Variants in DYNC1LI2 observed in about 807,000 individuals in gnomAD.
DYNC1LI2 encodes cytoplasmic dynein 1 light intermediate chain 2.
DYNC1LI2 carries 19 observed loss-of-function variants against 57.8 expected under a neutral mutation model. The ratio of observed to expected loss-of-function variants is 0.33; its 90% CI spans 0.23 to 0.48. DYNC1LI2 has a LOEUF of 0.48. Among genes scored for constraint, DYNC1LI2 ranks in the 20% least tolerant of loss-of-function variants. The pLI is 0.99. For synonymous variants in DYNC1LI2, 256 were observed against 233.4 expected (o/e 1.10, Z -0.88); for missense variants, 470 against 604.2 (o/e 0.78, Z 2.33).
Position 66,751,163 on chromosome 16 carries a change from C to T in DYNC1LI2, c.181+110G>A, listed in dbSNP as rs2018041480. On this transcript the variant is annotated intron_variant, in intron 2 of 12. Transcript: ENST00000258198. This position sits in a 1 kb window ranked among gnomAD's most constrained non-coding sequence, Gnocchi z 5.2. ...CGGCCAGGGCCGACGGTCCCTTTCC[C>T]GCCAGGCTGCGGGCAGGCGGCTGGA... The T allele has an allele frequency of 1.5e-6, 2 of 1,301,140 alleles. No homozygotes were observed. Among genetic ancestry groups the T allele is most frequent in the Non-Finnish European group, 2.1e-6 (2 of 957,856 alleles). The allele number at this position is 1,301,140 out of a possible 1,614,324, so 80.6% of individuals were successfully genotyped here.
At chr16:66,735,634 G>C (rs999223729) in intron 5 of DYNC1LI2, among the ~76,000 whole-genome samples, 7 of 152,004 alleles carry the variant, frequency 4.6e-5, no homozygotes, top group Non-Finnish European at 8.8e-5. Context: ...AGCCTCCCAA[G>C]TAGCTGGGAC....
chr16:66,723,179 A>G lies in DYNC1LI2; in HGVS notation c.*543T>C, dbSNP rs529344996. The G allele has an allele frequency of 7.0e-5, 24 of 343,948 alleles. 1 individual carries two copies. Among genetic ancestry groups the G allele is most frequent in the South Asian group, 5.4e-4 (24 of 44,238 alleles). The allele number at this position is 343,948 out of a possible 1,614,324, so 21.3% of individuals were successfully genotyped here. On this transcript the variant is annotated 3_prime_UTR_variant, in exon 13 of 13. Coordinates refer to ENST00000258198, the MANE Select transcript of DYNC1LI2 (RefSeq NM_006141.3). The stretch of plus-strand genomic sequence containing the variant: ...AAATGCTTCTAACAATGATTCTTCA[A>G]CTTCTACTGAATGCACAGTATTTAC...
intron 6 of DYNC1LI2, 186 bp downstream of exon 6, chr16:66,734,032 A>T: frequency 1.8e-6 from 1 of 561,930 alleles, no homozygotes. Flanking sequence ...ATGAGTGATC[A>T]AAGGTAGACA....
intron 2 of DYNC1LI2, among the ~76,000 whole-genome samples, chr16:66,749,664 T>C (rs1049397428): frequency 3.9e-5 from 6 of 152,074 alleles, no homozygotes; most frequent in Non-Finnish European, 8.8e-5. Flanking sequence ...AAGAAAAAGT[T>C]TCACCACAAG....
At chr16:66,726,082 G>C in intron 11 of DYNC1LI2, 138 bp from the exon 12 acceptor site, 1 of 798,114 alleles carries the variant, frequency 1.3e-6, no homozygotes, top group Non-Finnish European at 2.0e-6. Flanking sequence ...TCGCTACGAT[G>C]CCTTTACACT....
intron 5 of DYNC1LI2, among the ~76,000 whole-genome samples, 183 bp from the exon 6 acceptor site, chr16:66,734,494 T>G (rs1163840150): frequency 6.7e-6 from 1 of 149,572 alleles, no homozygotes; most frequent in East Asian, 1.9e-4. Context: ...TGGGCCTCGT[T>G]TTTTTTTTTA....
chr16:66,726,031 AC>A, intron 11 of DYNC1LI2, 87 bp from the exon 12 acceptor site: 1 of 1,379,444 alleles, frequency 7.2e-7, no homozygotes, highest in Non-Finnish European at 9.9e-7. Context: ...GGCATTAGCC[AC>A]TTGTGGCTAT....
rs1296606283 is a variant in DYNC1LI2 at position 66,722,770 on chromosome 16, A to G, written c.*952T>C. The stretch of plus-strand genomic sequence containing the variant: ...ACCTCCCCCAAACTTTCCGTGGCAC[A>G]TTGCATTATGGTAAAACCAGAGGTT... On this transcript the variant is annotated 3_prime_UTR_variant, in exon 13 of 13. Transcript: ENST00000258198. 2.0e-5 allele frequency: 3 copies of G among 153,026 alleles called. No homozygotes were observed. Among genetic ancestry groups the G allele is most frequent in the Non-Finnish European group, 2.9e-5 (2 of 68,334 alleles). The allele number at this position is 153,026 out of a possible 1,614,324, so 9.5% of individuals were successfully genotyped here. A position where few individuals can be genotyped will look rare whatever the true frequency, so the allele number is the denominator to read the frequency against.
At chr16:66,732,779 T>C in intron 6 of DYNC1LI2, 1 of 219,412 alleles carries the variant, frequency 4.6e-6, no homozygotes, top group Non-Finnish European at 8.8e-6. Context: ...AATTGTTGTC[T>C]TGATCCCACA....
chr16:66,742,805 C>A, intron 3 of DYNC1LI2, 137 bp from the exon 4 acceptor site: 2 of 932,990 alleles, frequency 2.1e-6, no homozygotes, highest in Admixed American at 2.6e-5. Context: ...GAAATCCAAA[C>A]CAAAAAGTGC....
chr16:66,745,566 C>CCG lies in DYNC1LI2; in HGVS notation c.299-2900_299-2899dup, dbSNP rs1469737464. Among the ~76,000 whole-genome samples, 3 of 151,832 alleles carry CCG rather than the reference C, an allele frequency of 2.0e-5. No individual in the cohort carries two copies. The South Asian group carries it at 6.3e-4, about 32-fold the overall frequency. ...GTGCTGGGATTACAGGCGTGAGCCA[C>CCG]CGCGCCCGGCCTATTAGCTTCTTTT... is the stretch of plus-strand genomic sequence containing the variant. On this transcript the variant is annotated intron_variant, in intron 3 of 12. Coordinates refer to ENST00000258198, the MANE Select transcript of DYNC1LI2 (RefSeq NM_006141.3).
Position 66,722,117 on chromosome 16 carries a change from CT to C in DYNC1LI2, c.*1604del, listed in dbSNP as rs1484669741. 3 of 152,656 alleles carry C rather than the reference CT, an allele frequency of 2.0e-5. No homozygotes were observed. The highest frequency in any genetic ancestry group is 4.8e-5 in the African/African-American group (2 of 41,458). The allele number at this position is 152,656 out of a possible 1,614,324, so 9.5% of individuals were successfully genotyped here. ...ATCAGAAAGGCAAGTTGATACTCAG[CT>C]TTCTCCTTAACAGTGTTCAGACCTT... On this transcript the variant is annotated 3_prime_UTR_variant, in exon 13 of 13. Coordinates refer to ENST00000258198, the MANE Select transcript of DYNC1LI2 (RefSeq NM_006141.3).
Position 66,751,593 on chromosome 16 carries a change from T to C in DYNC1LI2, c.-2A>G. 6.4e-7 allele frequency: 1 copy of C among 1,571,988 alleles called. No individual in the cohort carries two copies. Among genetic ancestry groups the C allele is most frequent in the East Asian group, 2.5e-5 (1 of 39,332 alleles). ...CTTCTCCACCCCCACCGGCGCCATC[T>C]TGCCAACTGCAGCCACAAAGAGGGC... On this transcript the variant is annotated 5_prime_UTR_variant, in exon 1 of 13. Coordinates refer to ENST00000258198, the MANE Select transcript of DYNC1LI2 (RefSeq NM_006141.3). The surrounding 1 kb of genome is among the most constrained non-coding windows in gnomAD (Gnocchi z 5.2).
intron 8 of DYNC1LI2, among the ~76,000 whole-genome samples, chr16:66,729,824 C>T (rs2017603883): frequency 6.6e-6 from 1 of 152,010 alleles, no homozygotes; most frequent in South Asian, 2.1e-4. Context: ...ACTCTGTTGC[C>T]AGGTTGGAGT....
At position 66,751,471 on chromosome 16, in the gene DYNC1LI2, G is replaced by T. The variant is rs370319345; in HGVS notation, c.107+14C>A. 1.6e-5 allele frequency: 25 copies of T among 1,583,120 alleles called. No homozygotes were observed. The highest frequency in any genetic ancestry group is 1.9e-5 in the Non-Finnish European group (22 of 1,168,674). On this transcript the variant is annotated intron_variant, in intron 1 of 12. Coordinates refer to ENST00000258198, the MANE Select transcript of DYNC1LI2 (RefSeq NM_006141.3). This position sits in a 1 kb window ranked among gnomAD's most constrained non-coding sequence, Gnocchi z 5.2. ...GCGCCCCCCACGGCCCGGCCCGACC[G>T]CCCGCGGCCTCACCATAGGCTCTGG...
At chr16:66,737,169 C>T (rs750421584) in intron 4 of DYNC1LI2, among the ~76,000 whole-genome samples, 11 of 151,998 alleles carry the variant, frequency 7.2e-5, no homozygotes, top group Non-Finnish European at 1.3e-4. Context: ...TACTTGGGGA[C>T]TCGTGCTAAG....
intron 2 of DYNC1LI2, 44 bp from the exon 3 acceptor site, chr16:66,749,357 G>A: frequency 1.3e-6 from 2 of 1,578,806 alleles, no homozygotes; most frequent in Non-Finnish European, 1.7e-6. Context: ...GTTTATTCCG[G>A]GCAAGGATGG....
At position 66,723,008 on chromosome 16, in the gene DYNC1LI2, C is replaced by T; in HGVS notation, c.*714G>A. ...TCACGAGGACATAGCCTGGGCCAAG[C>T]ACATGGGTCCTGGGCAGCTGCCATC... is the stretch of plus-strand genomic sequence containing the variant. On this transcript the variant is annotated 3_prime_UTR_variant, in exon 13 of 13. Transcript: ENST00000258198. 7.2e-6 allele frequency: 2 copies of T among 275,904 alleles called. No homozygotes were observed. Among genetic ancestry groups the T allele is most frequent in the Non-Finnish European group, 1.4e-5 (2 of 139,544 alleles). The allele number at this position is 275,904 out of a possible 1,614,324, so 17.1% of individuals were successfully genotyped here.
Position 66,730,396 on chromosome 16 carries a change from C to G in DYNC1LI2, c.930-173G>C, listed in dbSNP as rs2144975369. 7.0e-6 allele frequency: 4 copies of G among 568,796 alleles called. No individual in the cohort carries two copies. In the East Asian group the frequency reaches 1.2e-4, roughly 17 times the overall value. 35.2% of individuals were successfully genotyped at this position (568,796 alleles called of 1,614,324 possible). On this transcript the variant is annotated intron_variant, in intron 7 of 12. Transcript: ENST00000258198. ...GCCAAAATACACTGTGGGTATAATC[C>G]ATCAGAACATCGCAGGTCCTGCTCC...
Sources: allele counts gnomAD v4.1 joint callset (sites outside exome capture counted in the v4.1 genomes callset), GRCh38; gene constraint gnomAD v4.1.1; non-coding constraint Gnocchi (gnomAD v3.1); transcripts MANE v1.5; gene names NCBI Gene and HGNC (gene_info 2026-07-23, HGNC 2026-07-21).